Variants in CAPS2 observed in about 807,000 individuals in gnomAD.
CAPS2 encodes calcyphosin-2.
Under a neutral mutation model 86.5 loss-of-function variants are expected in CAPS2, and 98 were observed. That is an observed-to-expected ratio of 1.13 (90% confidence interval 0.96 to 1.34). The LOEUF (loss-of-function observed/expected upper bound fraction) is 1.34, where lower values mean the gene tolerates loss of function less well. Among genes scored for constraint, CAPS2 ranks in the 40% most tolerant of loss-of-function variants. The probability of loss-of-function intolerance (pLI) is 0.00; values close to 1 mark genes in which losing one functional copy is unlikely to be tolerated. For missense variants in CAPS2, 729 were observed against 686.8 expected, an observed-to-expected ratio of 1.06 and a Z score of -0.69; for synonymous variants, 210 against 225.1, an observed-to-expected ratio of 0.93 and a Z score of 0.60.
rs148159328 is a variant in CAPS2 at position 75,282,265 on chromosome 12, G to A, written c.1598C>T (p.Ser533Phe). The A allele has an allele frequency of 1.0e-4, 162 of 1,564,950 alleles. 1 individual carries two copies. The African/African-American group carries it at 1.9e-3, about 18-fold the overall frequency. ...CGAATAATTACCTGAAATTACTTGA[G>A]AATGCTTCTTTGCACAGTAACATTT... is the stretch of plus-strand genomic sequence containing the variant. The change falls in exon 16 of 17, where the codon TCT (serine) becomes TTT (phenylalanine). Residue 533 changes from serine (S) to phenylalanine (F), a missense_variant. Coordinates refer to ENST00000393284, the Ensembl canonical transcript of CAPS2.
rs568424727 is a variant in CAPS2 at position 75,388,259 on chromosome 12, C to T, written c.-395+2579G>A. On this transcript the variant is annotated intron_variant, in intron 1 of 5. Transcript: ENST00000551829. ...CCTCCTTCGTCTTCCACTATGATTG[C>T]GAGGGCTCCCAGCCATGTGGAACTG... is the stretch of plus-strand genomic sequence containing the variant. 1.4e-4 allele frequency among the ~76,000 whole-genome samples: 22 copies of T among 152,298 alleles called. No individual in the cohort carries two copies. In the South Asian group the frequency reaches 3.7e-3, roughly 26 times the overall value.
chr12:75,344,292 C>T (rs1211526472), intron 1 of CAPS2, among the ~76,000 whole-genome samples: 3 of 152,062 alleles, frequency 2.0e-5, no homozygotes, highest in Admixed American at 6.5e-5. Context: ...GTTCTTCCCA[C>T]ATAAACTGAT....
chr12:75,300,555 CAAAAAAAAA>C (rs60853698), intron 8 of CAPS2, among the ~76,000 whole-genome samples: 4 of 83,024 alleles, frequency 4.8e-5, no homozygotes, highest in East Asian at 7.1e-4. Flanking sequence ...GACTCCGTCT[CAAAAAAAAA>C]AAAAAAAAAA....
intron 1 of CAPS2, among the ~76,000 whole-genome samples, chr12:75,381,506 T>C (rs1298605433): frequency 2.0e-5 from 3 of 151,342 alleles, no homozygotes; most frequent in African/African-American, 4.8e-5. Context: ...AGGATGAATA[T>C]TTCAACTACA....
intron 15 of CAPS2, among the ~76,000 whole-genome samples, chr12:75,283,687 G>A (rs372805270): frequency 7.7e-4 from 117 of 152,200 alleles, no homozygotes; most frequent in Middle Eastern, 3.4e-3. Context: ...CGTGGTGCGT[G>A]CCTATAATCC....
intron 11 of CAPS2, among the ~76,000 whole-genome samples, chr12:75,296,738 A>G (rs1035695453): frequency 6.6e-6 from 1 of 152,186 alleles, no homozygotes; most frequent in African/African-American, 2.4e-5. Context: ...CCACAGCCAC[A>G]TCTGGAAAAC....
At chr12:75,278,932 A>T (rs758707125) in exon 17 of CAPS2, 1 of 1,603,068 alleles carries the variant, frequency 6.2e-7, no homozygotes. Flanking sequence ...CAAAGTCTTC[A>T]TCATCTACTA....
exon 17 of CAPS2, chr12:75,277,377 A>C: frequency 1.0e-6 from 1 of 977,170 alleles, no homozygotes; most frequent in Non-Finnish European, 1.2e-6. Flanking sequence ...CATTTTTAAC[A>C]AGAACAATTT....
chr12:75,345,929 TA>T, intron 1 of CAPS2, among the ~76,000 whole-genome samples: 2 of 152,332 alleles, frequency 1.3e-5, no homozygotes, highest in East Asian at 3.9e-4. Context: ...CACACAAGGT[TA>T]AGTAATTAGG....
At chr12:75,350,031 T>C (rs567001458) in intron 1 of CAPS2, among the ~76,000 whole-genome samples, 34 of 152,346 alleles carry the variant, frequency 2.2e-4, no homozygotes, top group South Asian at 8.3e-4. Flanking sequence ...GTGGCTCCAG[T>C]TGGCCATTTT....
At chr12:75,289,244 C>G (rs2035430264) in intron 14 of CAPS2, among the ~76,000 whole-genome samples, 1 of 152,152 alleles carries the variant, frequency 6.6e-6, no homozygotes, top group Admixed American at 6.5e-5. Flanking sequence ...CTCCAGGCAT[C>G]CTTCCATGAT....
chr12:75,295,279 G>GT (rs912724830), intron 11 of CAPS2: 1 of 152,128 alleles, frequency 6.6e-6, no homozygotes, highest in Admixed American at 6.5e-5. Context: ...AAAGCTTTGT[G>GT]TTTTTTCCTG....
chr12:75,324,483 A>T (rs1263671413), intron 2 of CAPS2, among the ~76,000 whole-genome samples: 1 of 152,308 alleles, frequency 6.6e-6, no homozygotes, highest in South Asian at 2.1e-4. Context: ...ATCAGTCCTT[A>T]AACTTTTCTC....
At chr12:75,367,310 T>TTGACTCTA (rs2044042747) in intron 1 of CAPS2, among the ~76,000 whole-genome samples, 1 of 150,628 alleles carries the variant, frequency 6.6e-6, no homozygotes, top group Non-Finnish European at 1.5e-5. Flanking sequence ...GACTCTTTCG[T>TTGACTCTA]AGTAACACTT....
chr12:75,294,703 C>A (rs1379846945), intron 11 of CAPS2, among the ~76,000 whole-genome samples: 2 of 151,982 alleles, frequency 1.3e-5, no homozygotes, highest in African/African-American at 4.8e-5. Context: ...ACAAATGGTA[C>A]CCCGGAGTCT....
At chr12:75,347,592 AT>A (rs755148054) in intron 1 of CAPS2, 1 of 1,434,780 alleles carries the variant, frequency 7.0e-7, no homozygotes. Flanking sequence ...TGTTTTCCAT[AT>A]TTTATCTTGA....
At chr12:75,344,655 T>C (rs2042331750) in intron 1 of CAPS2, among the ~76,000 whole-genome samples, 1 of 152,126 alleles carries the variant, frequency 6.6e-6, no homozygotes, top group Non-Finnish European at 1.5e-5. Context: ...TCTTCCATCA[T>C]ATCATGTTGG....
intron 1 of CAPS2, among the ~76,000 whole-genome samples, chr12:75,336,818 A>G (rs2041767106): frequency 1.3e-5 from 2 of 151,986 alleles, no homozygotes; most frequent in East Asian, 3.9e-4. Context: ...ACTGCAAAAT[A>G]CAAATTTTTA....
chr12:75,302,312 G>A (rs922323839), intron 8 of CAPS2, among the ~76,000 whole-genome samples: 3 of 152,182 alleles, frequency 2.0e-5, no homozygotes, highest in African/African-American at 7.2e-5. Flanking sequence ...TACTAATTAA[G>A]ATAGGATAAT....
Sources: allele counts gnomAD v4.1 joint callset (sites outside exome capture counted in the v4.1 genomes callset), GRCh38; gene constraint gnomAD v4.1.1; transcripts MANE v1.5; gene names NCBI Gene and HGNC (gene_info 2026-07-23, HGNC 2026-07-21).